The following ADAM23 variants were observed in gnomAD, a reference collection of about 807,000 sequenced individuals.
ADAM23 encodes the protein ADAM metallopeptidase domain 23.
ADAM23 carries 33 observed loss-of-function variants against 120.1 expected under a neutral mutation model. The ratio of observed to expected loss-of-function variants is 0.27; its 90% CI spans 0.21 to 0.37. ADAM23 has a LOEUF of 0.37. Among genes scored for constraint, ADAM23 ranks in the 10% least tolerant of loss-of-function variants. The pLI, the probability that ADAM23 is intolerant of heterozygous loss-of-function variation, is 1.00. For synonymous variants in ADAM23, 367 were observed against 375.2 expected, an observed-to-expected ratio of 0.98 and a Z score of 0.25; for missense variants, 862 against 1,058.2, an observed-to-expected ratio of 0.81 and a Z score of 2.57.
At chr2:206,521,946 C>T (rs527780916) in intron 3 of ADAM23, among the ~76,000 whole-genome samples, 12 of 152,074 alleles carry the variant, frequency 7.9e-5, no homozygotes, top group Non-Finnish European at 1.3e-4. Flanking sequence ...TGGGGGAAAA[C>T]GATCTCTTTC....
intron 2 of ADAM23, among the ~76,000 whole-genome samples, chr2:206,469,612 T>C (rs1264468908): frequency 1.3e-5 from 2 of 152,216 alleles, no homozygotes; most frequent in East Asian, 1.9e-4. Context: ...ATCATATCAT[T>C]CCTCACTCAA....
At chr2:206,477,880 T>TAAAAA (rs71034456) in intron 2 of ADAM23, among the ~76,000 whole-genome samples, 12 of 109,166 alleles carry the variant, frequency 1.1e-4, no homozygotes, top group African/African-American at 3.5e-4. Context: ...AATATTCTGT[T>TAAAAA]AAAAAAAAAA....
At chr2:206,493,016 T>C (rs1696164269) in intron 3 of ADAM23, among the ~76,000 whole-genome samples, 2 of 152,192 alleles carry the variant, frequency 1.3e-5, no homozygotes, top group South Asian at 4.1e-4. Flanking sequence ...CTTATTAAAT[T>C]TTCCTCTTGG....
chr2:206,573,048 A>G (rs1698036588), intron 17 of ADAM23, 67 bp from the exon 18 acceptor site: 1 of 1,531,376 alleles, frequency 6.5e-7, no homozygotes, highest in Non-Finnish European at 9.0e-7. Context: ...CGGTGAGTCT[A>G]AGAATGTTAT....
intron 3 of ADAM23, among the ~76,000 whole-genome samples, chr2:206,498,194 T>G (rs1462092078): frequency 6.6e-6 from 1 of 152,094 alleles, no homozygotes; most frequent in Non-Finnish European, 1.5e-5. Flanking sequence ...CATTGCCAAG[T>G]CAATCCTAAG....
intron 1 of ADAM23, 48 bp from the exon 2 acceptor site, chr2:206,445,255 GTGTT>G: frequency 7.7e-7 from 1 of 1,299,884 alleles, no homozygotes; most frequent in South Asian, 1.2e-5. Flanking sequence ...AAATATGTGT[GTGTT>G]TGTGTATGTT....
At chr2:206,595,157 G>A (rs1237932679) in intron 23 of ADAM23, among the ~76,000 whole-genome samples, 1 of 152,114 alleles carries the variant, frequency 6.6e-6, no homozygotes, top group East Asian at 1.9e-4. Context: ...CTCCAGCCTG[G>A]CGACAGAGCG....
intron 13 of ADAM23, among the ~76,000 whole-genome samples, chr2:206,563,499 A>T (rs762051517): frequency 2.4e-4 from 36 of 152,138 alleles, no homozygotes; most frequent in Admixed American, 1.1e-3. Flanking sequence ...CTCCCAGGAA[A>T]CACCTAGTAC....
chr2:206,486,143 G>C (rs986541817), intron 3 of ADAM23, among the ~76,000 whole-genome samples: 1 of 152,206 alleles, frequency 6.6e-6, no homozygotes, highest in Admixed American at 6.5e-5. Context: ...ATGGCAGTAA[G>C]CATGGAAGAG....
chr2:206,595,477 T>G, intron 23 of ADAM23, among the ~76,000 whole-genome samples: 3 of 138,022 alleles, frequency 2.2e-5, no homozygotes, highest in Non-Finnish European at 3.1e-5. Context: ...GGACTAGGGG[T>G]GTGGGGGTGT....
chr2:206,533,498 C>T (rs921862790), intron 4 of ADAM23, among the ~76,000 whole-genome samples: 3 of 152,160 alleles, frequency 2.0e-5, no homozygotes, highest in Non-Finnish European at 2.9e-5. Flanking sequence ...CCACCGTGCC[C>T]GGCTCAAAGA....
chr2:206,589,326 G>GTGT (rs1698383620), intron 20 of ADAM23, 83 bp from the exon 21 acceptor site: 4 of 1,138,948 alleles, frequency 3.5e-6, no homozygotes, highest in Middle Eastern at 2.1e-4. Flanking sequence ...AGAATCGGGT[G>GTGT]TTAAACACTT....
rs543241779 is a variant in ADAM23 at position 206,587,557 on chromosome 2, G to A, written c.1788+182G>A. 8.7e-5 allele frequency among the ~76,000 whole-genome samples: 13 copies of A among 148,816 alleles called. No individual in the cohort carries two copies. The South Asian group carries it at 2.8e-3, about 32-fold the overall frequency. On this transcript the variant is annotated intron_variant, in intron 19 of 25. Coordinates refer to ENST00000264377, the MANE Select transcript of ADAM23 (RefSeq NM_003812.4). ...CAAATATTAAATATATTTACCTCTGGTGACAAATTGTCCAGATTAAGAGAA... is the reference window on the plus strand; with the variant it reads ...CAAATATTAAATATATTTACCTCTGATGACAAATTGTCCAGATTAAGAGAA...
At chr2:206,573,729 G>A (rs992146772) in intron 18 of ADAM23, among the ~76,000 whole-genome samples, 2 of 151,922 alleles carry the variant, frequency 1.3e-5, no homozygotes, top group Non-Finnish European at 2.9e-5. Context: ...TTGAAAAATA[G>A]CAACAATGAA....
intron 3 of ADAM23, among the ~76,000 whole-genome samples, chr2:206,498,923 A>T (rs1434149765): frequency 2.0e-5 from 3 of 152,246 alleles, no homozygotes; most frequent in Non-Finnish European, 2.9e-5. Flanking sequence ...CATCAGAGAA[A>T]TGCAAATCAG....
At chr2:206,544,715 C>A (rs1436373883) in intron 6 of ADAM23, among the ~76,000 whole-genome samples, 4 of 151,722 alleles carry the variant, frequency 2.6e-5, no homozygotes, top group African/African-American at 9.7e-5. Context: ...TGGGTTCACG[C>A]CATTCTCCTG....
At chr2:206,537,748 T>G (rs1052049228) in intron 4 of ADAM23, among the ~76,000 whole-genome samples, 1 of 152,184 alleles carries the variant, frequency 6.6e-6, no homozygotes, top group Non-Finnish European at 1.5e-5. Flanking sequence ...ATACTAAAAA[T>G]GACTCTTTTA....
At chr2:206,504,439 A>G (rs1380743054) in intron 3 of ADAM23, among the ~76,000 whole-genome samples, 1 of 152,172 alleles carries the variant, frequency 6.6e-6, no homozygotes, top group Non-Finnish European at 1.5e-5. Flanking sequence ...TATGTTAGTC[A>G]TGGGTTAGTA....
intron 6 of ADAM23, among the ~76,000 whole-genome samples, chr2:206,546,772 G>A (rs561260747): frequency 3.3e-5 from 5 of 152,152 alleles, no homozygotes; most frequent in South Asian, 2.1e-4. Context: ...ACTATATGGC[G>A]TCTTTGTCAG....
Sources: gnomAD v4.1 joint callset for allele counts (sites outside exome capture counted in the v4.1 genomes callset) on GRCh38, gnomAD v4.1.1 for gene constraint, MANE v1.5 for transcripts, NCBI Gene and HGNC (gene_info 2026-07-23, HGNC 2026-07-21) for gene names.